The following APBA1 variants were observed in gnomAD, a reference collection of about 807,000 sequenced individuals.
APBA1 encodes amyloid beta precursor protein binding family A member 1.
APBA1 carries 55 observed loss-of-function variants against 86.6 expected under a neutral mutation model. The observed-to-expected ratio is 0.64, with a 90% CI of 0.51 to 0.80. APBA1 has a LOEUF of 0.80. APBA1 is among the 30% of genes least tolerant of loss of function. The pLI is 0.00. For synonymous variants in APBA1, 511 were observed against 493.9 expected (o/e 1.03, Z -0.46); for missense variants, 1,090 against 1,183.0 (o/e 0.92, Z 1.15).
intron 1 of APBA1, among the ~76,000 whole-genome samples, chr9:69,527,661 TAAAC>T (rs1249112265): frequency 6.6e-6 from 1 of 152,110 alleles, no homozygotes; most frequent in East Asian, 1.9e-4. Context: ...TTGATTTTTT[TAAAC>T]AAACATCTAA....
intron 1 of APBA1, among the ~76,000 whole-genome samples, chr9:69,571,764 T>C (rs1336596819): frequency 6.6e-6 from 1 of 152,236 alleles, no homozygotes; most frequent in Non-Finnish European, 1.5e-5. Context: ...CTTTTTAACT[T>C]AATTCTCTCT....
chr9:69,569,557 A>C (rs1185038654), intron 1 of APBA1, among the ~76,000 whole-genome samples: 1 of 151,996 alleles, frequency 6.6e-6, no homozygotes, highest in Admixed American at 6.6e-5. Context: ...ACACACAAAG[A>C]ATTGTCCAGC....
intron 2 of APBA1, among the ~76,000 whole-genome samples, chr9:69,490,566 A>G (rs1835692150): frequency 6.6e-6 from 1 of 152,030 alleles, no homozygotes; most frequent in East Asian, 1.9e-4. Flanking sequence ...TGTCTAAAAC[A>G]CCAAAAGCAA....
chr9:69,596,122 G>C (rs777278902), intron 1 of APBA1, among the ~76,000 whole-genome samples: 2 of 151,980 alleles, frequency 1.3e-5, no homozygotes, highest in Non-Finnish European at 2.9e-5. Flanking sequence ...CAAGTAGCTA[G>C]TACTACAGGC....
intron 1 of APBA1, among the ~76,000 whole-genome samples, chr9:69,662,174 G>A (rs1255109361): frequency 6.6e-6 from 1 of 152,026 alleles, no homozygotes; most frequent in Non-Finnish European, 1.5e-5. Context: ...CAACTGTCTG[G>A]GCCCATTCCT....
At chr9:69,432,452 T>A in intron 12 of APBA1, 84 bp downstream of exon 12, 1 of 1,329,414 alleles carries the variant, frequency 7.5e-7, no homozygotes, top group Non-Finnish European at 9.8e-7. Context: ...TCCTGGAAGG[T>A]CTGCTCAGGG....
chr9:69,637,563 A>G (rs1217454377), intron 1 of APBA1, among the ~76,000 whole-genome samples: 1 of 152,220 alleles, frequency 6.6e-6, no homozygotes, highest in Non-Finnish European at 1.5e-5. Context: ...AGGCTGCTTT[A>G]GGGATAAACC....
At chr9:69,530,838 T>G (rs924194499) in intron 1 of APBA1, among the ~76,000 whole-genome samples, 3 of 152,196 alleles carry the variant, frequency 2.0e-5, no homozygotes, top group African/African-American at 7.2e-5. Context: ...GGTTAAATTT[T>G]CCAAAGTCTT....
At chr9:69,578,297 C>T (rs1372099379) in intron 1 of APBA1, among the ~76,000 whole-genome samples, 1 of 152,194 alleles carries the variant, frequency 6.6e-6, no homozygotes, top group Admixed American at 6.5e-5. Flanking sequence ...ACAGACCCTG[C>T]CTCTCCAAGC....
intron 2 of APBA1, among the ~76,000 whole-genome samples, chr9:69,476,726 T>C (rs1022217512): frequency 6.6e-6 from 1 of 152,186 alleles, no homozygotes; most frequent in Admixed American, 6.5e-5. Context: ...ATCCAAACAC[T>C]ACCCTGGATG....
At chr9:69,603,405 T>G (rs1489988885) in intron 1 of APBA1, among the ~76,000 whole-genome samples, 5 of 152,238 alleles carry the variant, frequency 3.3e-5, no homozygotes, top group Admixed American at 3.3e-4. Context: ...TTGCAGGCTT[T>G]GACCTCTTGG....
intron 1 of APBA1, among the ~76,000 whole-genome samples, chr9:69,615,072 C>T (rs1369590148): frequency 6.6e-6 from 1 of 152,074 alleles, no homozygotes; most frequent in Non-Finnish European, 1.5e-5. Context: ...TGGTGGTGTA[C>T]ACCTGTAGTC....
chr9:69,602,202 G>T (rs77345686), intron 1 of APBA1, among the ~76,000 whole-genome samples: 13,849 of 152,112 alleles, frequency 0.091, 679 homozygotes, highest in Non-Finnish European at 0.11. Context: ...TAATTCAGTG[G>T]TTTTTAGTAT....
At chr9:69,621,041 A>G (rs552441221) in intron 1 of APBA1, among the ~76,000 whole-genome samples, 144 of 152,250 alleles carry the variant, frequency 9.5e-4, no homozygotes, top group African/African-American at 3.3e-3. Context: ...AAGTTACACA[A>G]CCTCTCAGTG....
At chr9:69,491,460 T>A (rs1835708922) in intron 2 of APBA1, among the ~76,000 whole-genome samples, 1 of 149,286 alleles carries the variant, frequency 6.7e-6, no homozygotes. Context: ...TGTCATGGGG[T>A]GGGGGGAGGT....
At chr9:69,469,390 T>G (rs1221217440) in intron 4 of APBA1, among the ~76,000 whole-genome samples, 1 of 152,266 alleles carries the variant, frequency 6.6e-6, no homozygotes, top group African/African-American at 2.4e-5. Context: ...AGAGTAAAGA[T>G]GTAAAATAAT....
intron 5 of APBA1, chr9:69,462,557 G>A (rs113479938): frequency 2.0e-5 from 3 of 152,332 alleles, no homozygotes; most frequent in African/African-American, 7.2e-5. Context: ...GCTCAAATAA[G>A]TATGGGAGCT....
intron 1 of APBA1, among the ~76,000 whole-genome samples, chr9:69,591,687 G>A (rs994587656): frequency 7.9e-5 from 12 of 152,228 alleles, no homozygotes; most frequent in Admixed American, 2.6e-4. Flanking sequence ...TCATTTTCCC[G>A]CCTTTTAAAA....
At chr9:69,549,979 C>T (rs531190625) in intron 1 of APBA1, among the ~76,000 whole-genome samples, 157 of 152,262 alleles carry the variant, frequency 1.0e-3, no homozygotes, top group African/African-American at 3.7e-3. Flanking sequence ...ATTTGAGGCA[C>T]ATCATTTAAA....
Sources: gnomAD v4.1 joint callset for allele counts (sites outside exome capture counted in the v4.1 genomes callset) on GRCh38, gnomAD v4.1.1 for gene constraint, MANE v1.5 for transcripts, NCBI Gene and HGNC (gene_info 2026-07-23, HGNC 2026-07-21) for gene names.